CCT3: variants seen among roughly 807,000 people sequenced by gnomAD.
The protein encoded by CCT3 is T-complex protein 1 subunit gamma.
Under a neutral mutation model 65.3 loss-of-function variants are expected in CCT3, and 10 were observed. The ratio of observed to expected loss-of-function variants is 0.15; its 90% CI spans 0.09 to 0.26. The LOEUF is 0.26. Ranked by LOEUF, CCT3 falls within the 10% of genes least tolerant of loss-of-function variation. The pLI, the probability that CCT3 is intolerant of heterozygous loss-of-function variation, is 1.00. For missense variants in CCT3, 626 were observed against 708.7 expected, an observed-to-expected ratio of 0.88 and a Z score of 1.33; for synonymous variants, 225 against 242.3, an observed-to-expected ratio of 0.93 and a Z score of 0.66.
In CCT3 at chr1:156,310,551, G is replaced by A; in HGVS notation, c.1533+7C>T. On this transcript the variant is annotated splice_region_variant and intron_variant, in intron 13 of 13. Transcript: ENST00000295688. ...AAACAGCGTGTACATATCTTAGGGT[G>A]CCTTACCTCCACTGCTGTCTTATAA... The A allele has an allele frequency of 6.2e-7, 1 of 1,607,572 alleles. No homozygotes were observed. The highest frequency in any genetic ancestry group is 1.1e-5 in the South Asian group (1 of 90,578).
At chr1:156,316,417 T>C (rs1303587485) in intron 10 of CCT3, among the ~76,000 whole-genome samples, 14 of 149,212 alleles carry the variant, frequency 9.4e-5, no homozygotes, top group Non-Finnish European at 1.8e-4. Flanking sequence ...GTAGGACTAA[T>C]TGCTTGTCAC....
At chr1:156,313,976 T>C (rs1664197012) in intron 10 of CCT3, among the ~76,000 whole-genome samples, 1 of 151,396 alleles carries the variant, frequency 6.6e-6, no homozygotes, top group Non-Finnish European at 1.5e-5. Context: ...TAGTCCCAGC[T>C]ACTCGGGAGG....
chr1:156,324,620 C>T (rs1299605995), intron 6 of CCT3, among the ~76,000 whole-genome samples: 2 of 151,658 alleles, frequency 1.3e-5, no homozygotes, highest in South Asian at 4.2e-4. Flanking sequence ...TACAGGTGTG[C>T]GCCACCATAC....
intron 10 of CCT3, among the ~76,000 whole-genome samples, chr1:156,316,516 C>T (rs1048466606): frequency 6.6e-6 from 1 of 152,166 alleles, no homozygotes; most frequent in Non-Finnish European, 1.5e-5. Context: ...TGATTTGGAT[C>T]TGTGATATAT....
chr1:156,331,449 G>A (rs889124905), intron 5 of CCT3, among the ~76,000 whole-genome samples: 5 of 152,268 alleles, frequency 3.3e-5, no homozygotes, highest in Admixed American at 2.0e-4. Context: ...TTGGAAGGCC[G>A]AGGTTGTCAG....
At chr1:156,333,412 G>C in intron 5 of CCT3, 135 bp downstream of exon 5, 1 of 661,340 alleles carries the variant, frequency 1.5e-6, no homozygotes, top group African/African-American at 1.8e-5. Flanking sequence ...CCCAACTGGA[G>C]AGAATACATA....
At chr1:156,319,407 C>G (rs376816635) in intron 7 of CCT3, among the ~76,000 whole-genome samples, 1 of 152,146 alleles carries the variant, frequency 6.6e-6, no homozygotes. Flanking sequence ...TGAGCCACCA[C>G]GCCCGGCCCA....
chr1:156,323,830 C>A (rs1184358251), intron 6 of CCT3, among the ~76,000 whole-genome samples: 1 of 148,670 alleles, frequency 6.7e-6, no homozygotes. Context: ...TGGTGCGATC[C>A]TGGCTCACCA....
chr1:156,319,084 G>T, intron 7 of CCT3, 67 bp from the exon 8 acceptor site: 58 of 1,326,516 alleles, frequency 4.4e-5, no homozygotes, highest in Middle Eastern at 1.9e-4. Context: ...CTTCCCAGAT[G>T]TTCATCTTTC....
intron 4 of CCT3, among the ~76,000 whole-genome samples, chr1:156,334,083 C>T (rs1665225508): frequency 6.6e-6 from 1 of 151,990 alleles, no homozygotes; most frequent in Admixed American, 6.6e-5. Context: ...ACTAAAAGTA[C>T]AAAAATTAAG....
At chr1:156,326,743 TA>T (rs1664830991) in intron 5 of CCT3, among the ~76,000 whole-genome samples, 1 of 152,092 alleles carries the variant, frequency 6.6e-6, no homozygotes, top group Admixed American at 6.6e-5. Flanking sequence ...CTCCTTCTTT[TA>T]AAATTTGTCT....
At position 156,310,709 on chromosome 1, in the gene CCT3, T is replaced by A; in HGVS notation, c.1402-20A>T. The A allele has an allele frequency of 6.2e-7, 1 of 1,611,508 alleles. No individual in the cohort carries two copies. Among genetic ancestry groups the A allele is most frequent in the Non-Finnish European group, 8.5e-7 (1 of 1,179,048 alleles). ...CTTGGCCTGCAATTGAAGCAAGAAG[T>A]AAAGGGGAAAATAAGTTAACAGGAA... On this transcript the variant is annotated intron_variant, in intron 12 of 13. Transcript: ENST00000295688.
chr1:156,313,823 C>T (rs1664190947), intron 10 of CCT3, among the ~76,000 whole-genome samples: 1 of 152,214 alleles, frequency 6.6e-6, no homozygotes, highest in Non-Finnish European at 1.5e-5. Flanking sequence ...GGCACGGTGG[C>T]TCATGCCTGT....
intron 5 of CCT3, among the ~76,000 whole-genome samples, chr1:156,326,387 C>G (rs764831140): frequency 6.6e-6 from 1 of 151,972 alleles, no homozygotes. Flanking sequence ...TGTGGTGGCT[C>G]ACATCTGTAA....
intron 5 of CCT3, chr1:156,332,550 A>C (rs1665147295): frequency 6.6e-6 from 1 of 152,224 alleles, no homozygotes; most frequent in African/African-American, 2.4e-5. Context: ...ATTCATGGAA[A>C]TTCACAGAAT....
chr1:156,315,517 TTTC>T (rs1464033020), intron 10 of CCT3, among the ~76,000 whole-genome samples: 2 of 152,228 alleles, frequency 1.3e-5, no homozygotes, highest in African/African-American at 4.8e-5. Flanking sequence ...CCCTTATGAT[TTTC>T]TTAATAACAT....
At chr1:156,317,343 A>G in intron 9 of CCT3, 72 bp downstream of exon 9, 1 of 1,594,216 alleles carries the variant, frequency 6.3e-7, no homozygotes, top group Non-Finnish European at 8.6e-7. Context: ...CCTGCCAAAC[A>G]TGAGGGGAGA....
chr1:156,310,423 G>A, intron 13 of CCT3, 135 bp downstream of exon 13: 2 of 492,040 alleles, frequency 4.1e-6, no homozygotes, highest in African/African-American at 2.0e-5. Context: ...GAACCCGGGA[G>A]GCGGAGATTG....
rs754239545 is a variant in CCT3 at position 156,312,238 on chromosome 1, G to A, written c.975-17C>T. On this transcript the variant is annotated splice_polypyrimidine_tract_variant and intron_variant, in intron 10 of 13. Coordinates refer to ENST00000295688, the MANE Select transcript of CCT3 (RefSeq NM_005998.5). ...CCACAGGCTCTAATGGACGGAAGAG[G>A]TGGGGAGAATCAGATGATTTCAGAT... 9 of 1,609,998 alleles carry A rather than the reference G, an allele frequency of 5.6e-6. No individual in the cohort carries two copies. Among genetic ancestry groups the A allele is most frequent in the South Asian group, 2.2e-5 (2 of 90,610 alleles).
Sources: gnomAD v4.1 joint callset for allele counts (sites outside exome capture counted in the v4.1 genomes callset) on GRCh38, gnomAD v4.1.1 for gene constraint, MANE v1.5 for transcripts, NCBI Gene and HGNC (gene_info 2026-07-23, HGNC 2026-07-21) for gene names.